The following ADGRV1 variants were observed in gnomAD, a reference collection of about 807,000 sequenced individuals.
The protein encoded by ADGRV1 is adhesion G protein-coupled receptor V1.
In ADGRV1, 359 loss-of-function variants were observed where a neutral mutation model predicts 596.2. The ratio of observed to expected loss-of-function variants is 0.60; its 90% confidence interval spans 0.55 to 0.66. ADGRV1 has a LOEUF of 0.66. ADGRV1 is among the 30% of genes least tolerant of loss of function. The probability of loss-of-function intolerance (pLI) is 0.00; values close to 1 mark genes in which losing one functional copy is unlikely to be tolerated. For synonymous variants in ADGRV1, 2,681 were observed against 2,679.2 expected (o/e 1.00, Z -0.02); for missense variants, 7,274 against 7,575.6 (o/e 0.96, Z 1.48).
At chr5:90,957,374 A>G (rs922379797) in intron 83 of ADGRV1, among the ~76,000 whole-genome samples, 2 of 151,872 alleles carry the variant, frequency 1.3e-5, no homozygotes, top group African/African-American at 4.8e-5. Flanking sequence ...AAAATAAATT[A>G]GTACTTCTTT....
At position 90,651,721 on chromosome 5, in the gene ADGRV1, A is replaced by G. The variant is rs1768653680; in HGVS notation, c.3407A>G (p.Asn1136Ser). Residue 1136 changes from asparagine to serine, a missense_variant, in exon 18 of 90, where the codon AAT becomes AGT. Asn to Ser is a conservative substitution (Grantham distance 46). Around this residue, in one of 5 missense-constraint regions of ADGRV1, gnomAD observed 1,715 missense variants for 1,708.8 expected, o/e 1.00. Coordinates refer to ENST00000405460, the MANE Select transcript of ADGRV1 (RefSeq NM_032119.4). Reference sequence around the variant, plus strand: ...AAAGCAGTGGAAGAAGGAAAGACTAATGCATTTTGGTAAGCATATGTAGAT... The same window carrying G: ...AAAGCAGTGGAAGAAGGAAAGACTAGTGCATTTTGGTAAGCATATGTAGAT... Reference protein sequence around the residue: ...IDKAVEEGKTNAFWILRHRGY... With the variant: ...IDKAVEEGKTSAFWILRHRGY... 1 of 1,610,520 alleles carries G rather than the reference A, an allele frequency of 6.2e-7. No individual in the cohort carries two copies. Among genetic ancestry groups the G allele is most frequent in the East Asian group, 2.2e-5 (1 of 44,740 alleles).
chr5:91,036,046 T>C (rs1413265220), intron 85 of ADGRV1, among the ~76,000 whole-genome samples: 2 of 151,436 alleles, frequency 1.3e-5, no homozygotes, highest in East Asian at 3.9e-4. Context: ...AAAATATACT[T>C]AATGAAGAAA....
intron 1 of ADGRV1, among the ~76,000 whole-genome samples, chr5:90,564,014 T>G (rs1755213075): frequency 6.6e-6 from 1 of 152,230 alleles, no homozygotes; most frequent in Admixed American, 6.5e-5. Context: ...ACACTGTTTT[T>G]GCATAGATGT....
chr5:90,766,099 C>T (rs948691036), intron 59 of ADGRV1, among the ~76,000 whole-genome samples: 4 of 151,988 alleles, frequency 2.6e-5, no homozygotes, highest in Non-Finnish European at 5.9e-5. Flanking sequence ...TTTAGTGAGA[C>T]AGGGTTTCAC....
chr5:90,851,555 T>C (rs1412968643), intron 79 of ADGRV1, among the ~76,000 whole-genome samples: 3 of 152,126 alleles, frequency 2.0e-5, no homozygotes, highest in Non-Finnish European at 4.4e-5. Context: ...TCTAGAACAA[T>C]CACTTGGAAG....
In ADGRV1 at chr5:90,696,926, T is replaced by C. The variant is rs1747263102; in HGVS notation, c.7946-11T>C. The C allele has an allele frequency of 1.9e-6, 3 of 1,599,172 alleles. No individual in the cohort carries two copies. In the African/African-American group the frequency reaches 4.0e-5, roughly 21 times the overall value. On this transcript the variant is annotated splice_polypyrimidine_tract_variant and intron_variant, in intron 33 of 89. Coordinates refer to ENST00000405460, the MANE Select transcript of ADGRV1 (RefSeq NM_032119.4). ...GTTACTTTGGTTTTTATTCCATTGA[T>C]GTTTTTATAGGTGAAACCAAAAAGA...
chr5:90,950,747 C>G (rs185046819), intron 83 of ADGRV1, among the ~76,000 whole-genome samples: 1 of 152,102 alleles, frequency 6.6e-6, no homozygotes, highest in African/African-American at 2.4e-5. Flanking sequence ...GCTGGAGTAG[C>G]GGGAGTACTT....
At chr5:90,655,042 G>A (rs917210974) in intron 20 of ADGRV1, 2 of 152,154 alleles carry the variant, frequency 1.3e-5, no homozygotes, top group African/African-American at 4.8e-5. Flanking sequence ...TTATTGAACT[G>A]TAGTGCCCTT....
intron 9 of ADGRV1, among the ~76,000 whole-genome samples, chr5:90,633,674 TTTAA>T (rs772686781): frequency 7.2e-5 from 11 of 152,112 alleles, no homozygotes; most frequent in Non-Finnish European, 1.2e-4. Flanking sequence ...GTTATGTGAC[TTTAA>T]TTATTTATCT....
intron 83 of ADGRV1, among the ~76,000 whole-genome samples, chr5:90,904,411 A>T (rs1772130327): frequency 6.6e-6 from 1 of 151,914 alleles, no homozygotes; most frequent in East Asian, 1.9e-4. Flanking sequence ...TCTCCACATC[A>T]TCATCAGCAT....
chr5:90,790,766 C>A, intron 69 of ADGRV1, 107 bp from the exon 70 acceptor site: 2 of 721,776 alleles, frequency 2.8e-6, no homozygotes, highest in Non-Finnish European at 4.4e-6. Flanking sequence ...TAGTGATGCA[C>A]AATTATATTT....
At chr5:90,685,752 T>G (rs752469680) in intron 28 of ADGRV1, 28 bp from the exon 29 acceptor site, 1 of 1,549,868 alleles carries the variant, frequency 6.5e-7, no homozygotes, top group Non-Finnish European at 8.8e-7. Flanking sequence ...TAGCTTTCTG[T>G]GTTCTGTGTG....
At chr5:90,721,525 A>T (rs201775209) in intron 45 of ADGRV1, among the ~76,000 whole-genome samples, 37,099 of 80,374 alleles carry the variant, frequency 0.46, 6,987 homozygotes, top group East Asian at 0.62. Flanking sequence ...AAAATAAAAT[A>T]AAAATAAAAA....
chr5:91,054,789 T>G (rs1310015547), intron 85 of ADGRV1, among the ~76,000 whole-genome samples: 1 of 152,120 alleles, frequency 6.6e-6, no homozygotes, highest in Admixed American at 6.5e-5. Flanking sequence ...ACATGTAAAT[T>G]TTGGGAAGAT....
Position 91,164,357 on chromosome 5 carries a change from C to T in ADGRV1, c.*457C>T, listed in dbSNP as rs1344592321. The T allele has an allele frequency of 4.2e-6, 1 of 236,022 alleles. No homozygotes were observed. The highest frequency in any genetic ancestry group is 8.6e-6 in the Non-Finnish European group (1 of 116,620). The allele number at this position is 236,022 out of a possible 1,614,324, so 14.6% of individuals were successfully genotyped here. A position where few individuals can be genotyped will look rare whatever the true frequency, so the allele number is the denominator to read the frequency against. On this transcript the variant is annotated 3_prime_UTR_variant, in exon 90 of 90. Coordinates refer to ENST00000405460, the MANE Select transcript of ADGRV1 (RefSeq NM_032119.4). ...ATCCAGATTCAAGACTTCACTGCAA[C>T]TAGAAGACTTTAATTCTGAAAACTG... is the stretch of plus-strand genomic sequence containing the variant.
At chr5:90,675,221 C>T (rs1375167857) in intron 23 of ADGRV1, 22 bp from the exon 24 acceptor site, 1 of 1,602,920 alleles carries the variant, frequency 6.2e-7, no homozygotes, top group East Asian at 2.2e-5. Context: ...GGACAATGCC[C>T]TGGCCCCTTT....
At chr5:90,726,226 A>C (rs909096878) in intron 48 of ADGRV1, among the ~76,000 whole-genome samples, 4 of 152,216 alleles carry the variant, frequency 2.6e-5, no homozygotes, top group African/African-American at 9.6e-5. Context: ...CTGCTACGAC[A>C]GAGAAAGTGT....
chr5:90,902,330 T>A (rs1771923083), intron 83 of ADGRV1, among the ~76,000 whole-genome samples: 2 of 152,144 alleles, frequency 1.3e-5, no homozygotes, highest in Non-Finnish European at 2.9e-5. Context: ...TTCTAACAGA[T>A]TTTGAAATCC....
At chr5:90,821,448 G>A (rs967861389) in intron 75 of ADGRV1, among the ~76,000 whole-genome samples, 2 of 151,620 alleles carry the variant, frequency 1.3e-5, no homozygotes, top group African/African-American at 4.8e-5. Flanking sequence ...GCTTTGTTCC[G>A]TTGCTGGTGA....
Sources: gnomAD v4.1 joint callset for allele counts (sites outside exome capture counted in the v4.1 genomes callset) on GRCh38, gnomAD v4.1.1 for gene constraint, gnomAD v4.1.1 regional missense constraint, MANE v1.5 for transcripts, NCBI Gene and HGNC (gene_info 2026-07-23, HGNC 2026-07-21) for gene names.